Variants in SH3TC1 observed in about 807,000 individuals in gnomAD.
The protein encoded by SH3TC1 is SH3 domain and tetratricopeptide repeat-containing protein 1.
A neutral mutation model predicts 117.3 loss-of-function variants in SH3TC1; 135 were observed. That is an observed-to-expected ratio of 1.15 (90% CI 1.00 to 1.33). SH3TC1 has a LOEUF of 1.33. Among genes scored for constraint, SH3TC1 ranks in the 40% most tolerant of loss-of-function variants. The pLI is 0.00. For synonymous variants in SH3TC1, 898 were observed against 816.9 expected (o/e 1.10, Z -1.69); for missense variants, 2,092 against 1,794.3 (o/e 1.17, Z -3.00).
intron 1 of SH3TC1, among the ~76,000 whole-genome samples, chr4:8,203,009 G>A (rs1398175731): frequency 6.6e-6 from 1 of 152,212 alleles, no homozygotes; most frequent in South Asian, 2.1e-4. Flanking sequence ...AGCCATGGGG[G>A]CAGGGGTGAT....
Position 8,218,339 on chromosome 4 carries a change from C to T in SH3TC1, c.908C>T (p.Pro303Leu), listed in dbSNP as rs139298992. The T allele has an allele frequency of 9.9e-6, 16 of 1,610,144 alleles. No homozygotes were observed. Among genetic ancestry groups the T allele is most frequent in the Middle Eastern group, 1.6e-4 (1 of 6,070 alleles). ...AMGGPVMPGN[P>L]LMAVGLASAL... is the part of the protein sequence containing the mutation. ...GGTGGCCCTGTGATGCCCGGCAACCCGCTGATGGGTAAGTGTTTCCATGGG... is the reference window on the plus strand; with the variant it reads ...GGTGGCCCTGTGATGCCCGGCAACCTGCTGATGGGTAAGTGTTTCCATGGG... Residue 303 changes from proline (P) to leucine (L), a missense_variant, in exon 8 of 18, where the codon CCG becomes CTG. Coordinates refer to ENST00000245105, the MANE Select transcript of SH3TC1 (RefSeq NM_018986.5).
chr4:8,197,898 C>T (rs572988255), upstream of SH3TC1, among the ~76,000 whole-genome samples: 145 of 152,212 alleles, frequency 9.5e-4, 1 homozygote, highest in Middle Eastern at 3.4e-3. Flanking sequence ...GACGGGAGGG[C>T]GAGGATGAAG....
Position 8,220,639 on chromosome 4 carries a change from A to C in SH3TC1, c.1112+1109A>C, listed in dbSNP as rs1578700329. Among the ~76,000 whole-genome samples, 9 of 152,294 alleles carry C rather than the reference A, an allele frequency of 5.9e-5. No individual in the cohort carries two copies. The South Asian group carries it at 1.9e-3, about 32-fold the overall frequency. Reference sequence around the variant, plus strand: ...CAAGGAGCCCAGAGAATGTGGGTGCATGGAGAGGCCACCTTCTGGGTCATG... The same window carrying C: ...CAAGGAGCCCAGAGAATGTGGGTGCCTGGAGAGGCCACCTTCTGGGTCATG... On this transcript the variant is annotated intron_variant, in intron 9 of 17. Transcript: ENST00000245105.
At chr4:8,232,615 CA>C in intron 13 of SH3TC1, 1 of 1,328,634 alleles carries the variant, frequency 7.5e-7, no homozygotes, top group Non-Finnish European at 9.9e-7. Context: ...GGCAGGGTTT[CA>C]AGGTCTCACA....
At chr4:8,232,464 G>C (rs534960207) in intron 13 of SH3TC1, 1 of 1,467,700 alleles carries the variant, frequency 6.8e-7, no homozygotes, top group Non-Finnish European at 9.1e-7. Context: ...CTTCCTACCT[G>C]GTGGCTTTTG....
chr4:8,226,098 T>G (rs3796759), intron 11 of SH3TC1, among the ~76,000 whole-genome samples: 7,067 of 152,232 alleles, frequency 0.046, 279 homozygotes, highest in Admixed American at 0.12. Context: ...AGGAGACAGT[T>G]TGTAGTGAAA....
upstream of SH3TC1, among the ~76,000 whole-genome samples, chr4:8,195,712 C>A (rs549480981): frequency 3.7e-4 from 56 of 152,340 alleles, no homozygotes; most frequent in Non-Finnish European, 7.5e-4. Context: ...AGCCAAGCAT[C>A]TCTGGCCAGG....
At chr4:8,219,816 G>A (rs1022449397) in intron 9 of SH3TC1, among the ~76,000 whole-genome samples, 2 of 152,342 alleles carry the variant, frequency 1.3e-5, no homozygotes, top group South Asian at 2.1e-4. Flanking sequence ...ACTGCACGCC[G>A]GGGGCTTAAA....
Position 8,227,460 on chromosome 4 carries a change from C to T in SH3TC1, c.1766C>T (p.Ala589Val). 1.3e-6 allele frequency: 2 copies of T among 1,563,964 alleles called. No individual in the cohort carries two copies. The highest frequency in any genetic ancestry group is 1.2e-5 in the South Asian group (1 of 81,952). Residue 589 changes from alanine to valine, a missense_variant, in exon 12 of 18, where the codon GCC becomes GTC. Physicochemically the swap from Ala to Val is moderately conservative, Grantham distance 64 (BLOSUM62 0). Coordinates refer to ENST00000245105, the MANE Select transcript of SH3TC1 (RefSeq NM_018986.5). ...ARVYFEEALG[A>V]LEGSFGDLFL... ...GTGTACTTTGAGGAAGCGCTGGGGG[C>T]CCTGGAGGGCAGCTTCGGGGACCTG...
In SH3TC1 at chr4:8,237,638, G is replaced by A. The variant is rs1301159699; in HGVS notation, c.3721G>A (p.Val1241Met). The A allele has an allele frequency of 1.2e-6, 2 of 1,609,962 alleles. No homozygotes were observed. Among genetic ancestry groups the A allele is most frequent in the South Asian group, 1.1e-5 (1 of 90,372 alleles). Reference sequence around the variant, plus strand: ...CCTCTACTACGTGAAGGTGTACCTGGTGCTCGGTGACATCATCTTCTACGA... The same window carrying A: ...CCTCTACTACGTGAAGGTGTACCTGATGCTCGGTGACATCATCTTCTACGA... Reference protein sequence around the residue: ...ETLYYVKVYLVLGDIIFYDLK... With the variant: ...ETLYYVKVYLMLGDIIFYDLK... The change falls in exon 17 of 18, where the codon GTG becomes ATG. Residue 1241 changes from valine to methionine, a missense_variant. By Grantham distance (21) the Val-to-Met change is conservative. Coordinates refer to ENST00000245105, the MANE Select transcript of SH3TC1 (RefSeq NM_018986.5).
At chr4:8,224,191 G>C (rs1720242353) in intron 10 of SH3TC1, among the ~76,000 whole-genome samples, 1 of 152,116 alleles carries the variant, frequency 6.6e-6, no homozygotes, top group Admixed American at 6.5e-5. Flanking sequence ...ACACACATAT[G>C]CACACACATA....
Position 8,209,825 on chromosome 4 carries a change from A to G in SH3TC1, c.247+3A>G. ...CCAGATGGGGGTTTATCCCACAGGT[A>G]AACATCCTGGGCCCTACACAGGGCT... On this transcript the variant is annotated splice_donor_region_variant and intron_variant, in intron 3 of 17. Transcript: ENST00000245105. The surrounding 1 kb of genome is among the most constrained non-coding windows in gnomAD (Gnocchi z 5.9). 2.5e-6 allele frequency: 4 copies of G among 1,613,056 alleles called. No individual in the cohort carries two copies. The highest frequency in any genetic ancestry group is 3.4e-6 in the Non-Finnish European group (4 of 1,179,836).
chr4:8,203,847 C>T (rs115204071), intron 1 of SH3TC1, among the ~76,000 whole-genome samples: 217 of 152,296 alleles, frequency 1.4e-3, no homozygotes, highest in African/African-American at 4.9e-3. Context: ...GCAGACCCCA[C>T]GCACCCCCAA....
chr4:8,217,296 T>C, intron 7 of SH3TC1, 129 bp downstream of exon 7: 2 of 1,135,568 alleles, frequency 1.8e-6, no homozygotes, highest in Non-Finnish European at 1.3e-6. Context: ...CATGGCCTTG[T>C]TCTGCTGCTT....
intron 1 of SH3TC1, among the ~76,000 whole-genome samples, chr4:8,191,840 G>A (rs1269389755): frequency 6.6e-6 from 1 of 152,146 alleles, no homozygotes. Context: ...GCGTTCAGCA[G>A]AGACAGCATT....
At position 8,209,427 on chromosome 4, in the gene SH3TC1, T is replaced by C. The variant is rs1718461043; in HGVS notation, c.173-321T>C. Among the ~76,000 whole-genome samples the C allele has an allele frequency of 6.6e-6, 1 of 152,142 alleles. No individual in the cohort carries two copies. ...AGGAGTGGATTCTCCCCAGAGCCCC[T>C]GGGAGGAACAGGGCCCTGTCCACAC... On this transcript the variant is annotated intron_variant, in intron 2 of 17. Coordinates refer to ENST00000245105, the MANE Select transcript of SH3TC1 (RefSeq NM_018986.5). The surrounding 1 kb of genome is among the most constrained non-coding windows in gnomAD (Gnocchi z 5.9).
At position 8,227,989 on chromosome 4, in the gene SH3TC1, T is replaced by A; in HGVS notation, c.2295T>A (p.Thr765=). 1 of 1,612,206 alleles carries A rather than the reference T, an allele frequency of 6.2e-7. No homozygotes were observed. The highest frequency in any genetic ancestry group is 8.5e-7 in the Non-Finnish European group (1 of 1,179,686). Residue 765 remains threonine (T), a synonymous_variant, in exon 12 of 18, where the codon ACT becomes ACA. Transcript: ENST00000245105. ...AGCCCCACAGCCTCCCTGCCCAAAC[T>A]TCCCACTACCTCAGGCAAGCGCTGG... The part of the protein sequence containing the change: ...APQPHSLPAQ[T]SHYLRQALAS...
At position 8,204,296 on chromosome 4, in the gene SH3TC1, C is replaced by T. The variant is rs147425357; in HGVS notation, c.-28-871C>T. ...GATGGGAGGCAGGAGCTGCGGGGCA[C>T]GCTGGGCTTATTTCTTCCCCACCTC... is the stretch of plus-strand genomic sequence containing the variant. On this transcript the variant is annotated intron_variant, in intron 1 of 17. Coordinates refer to ENST00000245105, the MANE Select transcript of SH3TC1 (RefSeq NM_018986.5). Among the ~76,000 whole-genome samples the T allele has an allele frequency of 6.6e-5, 10 of 152,288 alleles. No homozygotes were observed. The East Asian group carries it at 1.5e-3, about 23-fold the overall frequency.
At chr4:8,193,888 G>A (rs1717485129) in intron 1 of SH3TC1, among the ~76,000 whole-genome samples, 1 of 152,244 alleles carries the variant, frequency 6.6e-6, no homozygotes, top group African/African-American at 2.4e-5. Flanking sequence ...ATGATTCACT[G>A]CAGAGAACTG....
Sources: gnomAD v4.1 joint callset for allele counts (sites outside exome capture counted in the v4.1 genomes callset) on GRCh38, gnomAD v4.1.1 for gene constraint, Gnocchi (gnomAD v3.1) non-coding constraint, MANE v1.5 for transcripts, NCBI Gene and HGNC (gene_info 2026-07-23, HGNC 2026-07-21) for gene names.